ANAPC4: variants seen among roughly 807,000 people sequenced by gnomAD.
ANAPC4 encodes anaphase-promoting complex subunit 4.
In ANAPC4, 63 loss-of-function variants were observed where a neutral mutation model predicts 119.8. The ratio of observed to expected loss-of-function variants is 0.53; its 90% CI spans 0.43 to 0.65. The LOEUF is 0.65. Among genes scored for constraint, ANAPC4 ranks in the 30% least tolerant of loss-of-function variants. The pLI is 0.00. For synonymous variants in ANAPC4, 283 were observed against 318.6 expected (o/e 0.89, Z 1.19); for missense variants, 716 against 945.1 (o/e 0.76, Z 3.18).
At chr4:25,406,488 A>G (rs1723257325) in intron 18 of ANAPC4, among the ~76,000 whole-genome samples, 1 of 152,202 alleles carries the variant, frequency 6.6e-6, no homozygotes, top group South Asian at 2.1e-4. Context: ...AGGGTGACAC[A>G]TCTTATCTGG....
rs376460606 is a variant in ANAPC4 at position 25,418,194 on chromosome 4, G to C, written c.2239G>C (p.Asp747His). ...TCGTCATGTGAGAGTATTTGAAATG[G>C]ACATAGATGATGAATGGGAGCTCGA... ...NLRHVRVFEM[D>H]IDDEWELDES... Residue 747 changes from aspartate (D) to histidine (H), a missense_variant, in exon 29 of 29, where the codon GAC becomes CAC. Around this residue, in one of 3 missense-constraint regions of ANAPC4, gnomAD observed 504 missense variants for 615.8 expected, o/e 0.82. Transcript: ENST00000315368. 55 of 1,613,860 alleles carry C rather than the reference G, an allele frequency of 3.4e-5. No homozygotes were observed. The highest frequency in any genetic ancestry group is 2.2e-5 in the Non-Finnish European group (26 of 1,179,954).
chr4:25,393,990 G>C, intron 11 of ANAPC4, 99 bp downstream of exon 11: 1 of 989,038 alleles, frequency 1.0e-6, no homozygotes, highest in Non-Finnish European at 1.5e-6. Context: ...TTCATAAAAG[G>C]CTAAGATCAT....
intron 27 of ANAPC4, 57 bp downstream of exon 27, chr4:25,416,655 T>G: frequency 7.4e-7 from 1 of 1,342,494 alleles, no homozygotes. Context: ...TAATGCACAT[T>G]ATAAATTCCA....
intron 19 of ANAPC4, 42 bp from the exon 20 acceptor site, chr4:25,407,155 G>T: frequency 1.3e-6 from 2 of 1,512,810 alleles, no homozygotes; most frequent in Non-Finnish European, 1.8e-6. Flanking sequence ...ATTTTTCTTC[G>T]TGAGTTGACT....
rs778070699 is a variant in ANAPC4, at chr4:25,414,420, G to A, written c.1685+35G>A. ...TTTACCTATTGGATGGTGTAATTCCGCAGCCAATTTAAATTTTTCTCATTT... is the reference window on the plus strand; with the variant it reads ...TTTACCTATTGGATGGTGTAATTCCACAGCCAATTTAAATTTTTCTCATTT... On this transcript the variant is annotated intron_variant, in intron 23 of 28. Coordinates refer to ENST00000315368, the MANE Select transcript of ANAPC4 (RefSeq NM_013367.3). The A allele has an allele frequency of 6.9e-6, 11 of 1,593,966 alleles. 1 individual carries two copies. The highest frequency in any genetic ancestry group is 4.5e-5 in the East Asian group (2 of 44,584).
Position 25,402,972 on chromosome 4 carries a change from GT to G in ANAPC4, c.1218del (p.Ile407Ter). The G allele has an allele frequency of 6.3e-7, 1 of 1,577,804 alleles. No homozygotes were observed. The highest frequency in any genetic ancestry group is 8.7e-7 in the Non-Finnish European group (1 of 1,152,022). ...FILKANELLQ[V>X]IDSSMKNFKA... ...GATTTTTTGTTTTTATCTCTTTAGA[GT>G]TATAGATAGTAGTATGAAAAACTTC... On this transcript the variant is annotated frameshift_variant and splice_region_variant, in exon 17 of 29. Coordinates refer to ENST00000315368, the MANE Select transcript of ANAPC4 (RefSeq NM_013367.3). LOFTEE classifies it high-confidence loss of function.
chr4:25,379,357 AG>A (rs1336598568), intron 2 of ANAPC4, among the ~76,000 whole-genome samples: 2 of 152,212 alleles, frequency 1.3e-5, no homozygotes, highest in Admixed American at 6.5e-5. Flanking sequence ...GGAATGGCCT[AG>A]GGGTCTGTAG....
chr4:25,386,597 A>G (rs1722050525), intron 4 of ANAPC4, among the ~76,000 whole-genome samples: 1 of 152,220 alleles, frequency 6.6e-6, no homozygotes, highest in Admixed American at 6.5e-5. Context: ...TCAAATCACC[A>G]TAACAAATAA....
Position 25,415,466 on chromosome 4 carries a change from A to T in ANAPC4, c.1827A>T (p.Gln609His), listed in dbSNP as rs533672504. 143 of 1,611,190 alleles carry T rather than the reference A, an allele frequency of 8.9e-5. No homozygotes were observed. In the South Asian group the frequency reaches 1.4e-3, roughly 16 times the overall value. ...TTTTTTTCCCCCTTCTTTCTTGAAG[A>T]TCTGTGAGTAATGGACTAATTGCTA... ...CILRRHTDIS[Q>H]SVSNGLIAIK... Residue 609 changes from glutamine (Q) to histidine (H), a missense_variant and splice_region_variant, in exon 26 of 29, where the codon CAA (glutamine) becomes CAT (histidine). Physicochemically the swap from Gln to His is conservative, Grantham distance 24. Around this residue, in one of 3 missense-constraint regions of ANAPC4, gnomAD observed 504 missense variants for 615.8 expected, o/e 0.82. Coordinates refer to ENST00000315368, the MANE Select transcript of ANAPC4 (RefSeq NM_013367.3).
intron 20 of ANAPC4, 40 bp downstream of exon 20, chr4:25,407,293 C>T: frequency 6.7e-7 from 1 of 1,482,218 alleles, no homozygotes; most frequent in Non-Finnish European, 9.1e-7. Context: ...TAGCAGTGTT[C>T]ATCTTTGTTA....
chr4:25,394,511 C>G (rs1722528969), intron 12 of ANAPC4, 137 bp downstream of exon 12: 4 of 1,003,106 alleles, frequency 4.0e-6, no homozygotes, highest in Non-Finnish European at 5.7e-6. Flanking sequence ...TAATGTGTTA[C>G]ATACTTACGG....
chr4:25,387,682 C>CG (rs937476791), intron 4 of ANAPC4, among the ~76,000 whole-genome samples: 4 of 119,948 alleles, frequency 3.3e-5, no homozygotes, highest in African/African-American at 1.0e-4. Flanking sequence ...TAAATCACCA[C>CG]TTTTTTACTT....
chr4:25,381,603 C>T (rs562047941), intron 3 of ANAPC4, among the ~76,000 whole-genome samples: 4 of 152,278 alleles, frequency 2.6e-5, no homozygotes, highest in African/African-American at 9.6e-5. Context: ...TGAACCACTG[C>T]ACATGGCCTT....
intron 4 of ANAPC4, among the ~76,000 whole-genome samples, 167 bp from the exon 5 acceptor site, chr4:25,388,333 T>C (rs1361830789): frequency 1.3e-5 from 2 of 152,186 alleles, no homozygotes; most frequent in African/African-American, 4.8e-5. Flanking sequence ...ACTTTTCAAT[T>C]TCCTATTTGG....
intron 26 of ANAPC4, 129 bp downstream of exon 26, chr4:25,415,669 C>T: frequency 1.5e-6 from 1 of 684,064 alleles, no homozygotes; most frequent in South Asian, 2.1e-5. Flanking sequence ...ACATCAAGGG[C>T]AGGATTCTTT....
intron 27 of ANAPC4, 114 bp downstream of exon 27, chr4:25,416,712 C>T (rs987907790): frequency 1.3e-6 from 1 of 787,220 alleles, no homozygotes. Context: ...CTAGAGATAA[C>T]CACAGAGGTA....
chr4:25,389,747 A>G (rs1722239493), intron 7 of ANAPC4, among the ~76,000 whole-genome samples: 1 of 152,252 alleles, frequency 6.6e-6, no homozygotes, highest in African/African-American at 2.4e-5. Flanking sequence ...TAGAGTTTCT[A>G]AAATTTTAAG....
chr4:25,405,766 A>C lies in ANAPC4; in HGVS notation c.1317+147A>C, dbSNP rs1723219441. On this transcript the variant is annotated intron_variant, in intron 18 of 28. Coordinates refer to ENST00000315368, the MANE Select transcript of ANAPC4 (RefSeq NM_013367.3). The surrounding 1 kb of genome is among the most constrained non-coding windows in gnomAD (Gnocchi z 4.6). ...ATCCCTTAAGCACCACCTTTTTAAA[A>C]AAGAAATTTGCATGTTTTGTGTATT... 2 of 630,514 alleles carry C rather than the reference A, an allele frequency of 3.2e-6. No homozygotes were observed. Among genetic ancestry groups the C allele is most frequent in the Non-Finnish European group, 5.4e-6 (2 of 372,334 alleles). The allele number at this position is 630,514 out of a possible 1,614,324, so 39.1% of individuals were successfully genotyped here.
intron 9 of ANAPC4, 107 bp downstream of exon 9, chr4:25,391,122 C>CA (rs1326052682): frequency 5.4e-6 from 4 of 735,514 alleles, no homozygotes; most frequent in Non-Finnish European, 8.5e-6. Context: ...TAAAATAATG[C>CA]AAAAAAATCG....
Sources: gnomAD v4.1 joint callset for allele counts (sites outside exome capture counted in the v4.1 genomes callset) on GRCh38, gnomAD v4.1.1 for gene constraint, gnomAD v4.1.1 regional missense constraint, Gnocchi (gnomAD v3.1) non-coding constraint, MANE v1.5 for transcripts, NCBI Gene and HGNC (gene_info 2026-07-23, HGNC 2026-07-21) for gene names.